The following MYO16 variants were observed in gnomAD, a reference collection of about 807,000 sequenced individuals.
MYO16 encodes unconventional myosin-XVI.
Under a neutral mutation model 205.3 loss-of-function variants are expected in MYO16, and 94 were observed. The observed-to-expected ratio is 0.46, with a 90% CI of 0.39 to 0.54. The LOEUF (loss-of-function observed/expected upper bound fraction) is 0.54. MYO16 is among the 20% of genes least tolerant of loss of function. MYO16 has a pLI of 0.00. For missense variants in MYO16, 2,315 were observed against 2,387.5 expected, an observed-to-expected ratio of 0.97 and a Z score of 0.63; for synonymous variants, 988 against 954.0, an observed-to-expected ratio of 1.04 and a Z score of -0.66.
At chr13:108,645,497 CT>C (rs765930308) in intron 1 of MYO16, among the ~76,000 whole-genome samples, 5 of 152,170 alleles carry the variant, frequency 3.3e-5, no homozygotes, top group Admixed American at 6.5e-5. Context: ...AACTTGCCTA[CT>C]CTGTGCCCCG....
At chr13:108,876,953 A>G (rs908436118) in intron 12 of MYO16, among the ~76,000 whole-genome samples, 14 of 152,160 alleles carry the variant, frequency 9.2e-5, no homozygotes, top group African/African-American at 3.4e-4. Context: ...GGCGTGAGTC[A>G]CCGCGCCCAG....
chr13:108,519,627 ACACACACACACACACACACACC>A, the MYO16 span, among the ~76,000 whole-genome samples: 2 of 35,916 alleles, frequency 5.6e-5, no homozygotes, highest in Non-Finnish European at 1.1e-4. Flanking sequence ...TATGCAAAAT[ACACACACACACACACACACACC>A]CACACACACA....
chr13:108,552,953 C>T, the MYO16 span, among the ~76,000 whole-genome samples: 4 of 150,336 alleles, frequency 2.7e-5, no homozygotes, highest in Non-Finnish European at 5.9e-5. Flanking sequence ...AGGGTGGAGC[C>T]CTCGGTCTAA....
At chr13:108,975,862 G>C (rs1356167327) in intron 20 of MYO16, among the ~76,000 whole-genome samples, 1 of 152,036 alleles carries the variant, frequency 6.6e-6, no homozygotes, top group Non-Finnish European at 1.5e-5. Flanking sequence ...CTGCCCTTTG[G>C]GACTATCCAT....
intron 34 of MYO16, among the ~76,000 whole-genome samples, chr13:109,184,813 G>A (rs1879617282): frequency 6.6e-6 from 1 of 151,882 alleles, no homozygotes; most frequent in African/African-American, 2.4e-5. Flanking sequence ...CTGTTGCCCG[G>A]GCTGGAGTGC....
chr13:108,630,386 T>TAGGGACTCC (rs1179419473), intron 1 of MYO16, among the ~76,000 whole-genome samples: 1 of 152,222 alleles, frequency 6.6e-6, no homozygotes, highest in East Asian at 1.9e-4. Flanking sequence ...TTGCGGTGCT[T>TAGGGACTCC]AGGGACTCCA....
the MYO16 span, among the ~76,000 whole-genome samples, chr13:108,567,064 C>A: frequency 6.6e-6 from 1 of 152,082 alleles, no homozygotes; most frequent in African/African-American, 2.4e-5. Context: ...TATTGAATAT[C>A]TTTGAGCTGA....
chr13:108,766,890 G>T (rs1401792513), intron 4 of MYO16, among the ~76,000 whole-genome samples: 1 of 152,152 alleles, frequency 6.6e-6, no homozygotes, highest in Admixed American at 6.5e-5. Flanking sequence ...TCACAGATTT[G>T]GTTGTAAGCA....
intron 23 of MYO16, among the ~76,000 whole-genome samples, chr13:109,020,171 G>A (rs1001649002): frequency 2.6e-5 from 4 of 151,952 alleles, no homozygotes; most frequent in Non-Finnish European, 5.9e-5. Flanking sequence ...AGGATCCCTG[G>A]GTTTAATACA....
intron 1 of MYO16, among the ~76,000 whole-genome samples, chr13:108,608,057 T>A (rs1317718671): frequency 6.6e-6 from 1 of 152,220 alleles, no homozygotes; most frequent in East Asian, 1.9e-4. Context: ...TTGGGATCTC[T>A]TTCCTACAGC....
the MYO16 span, among the ~76,000 whole-genome samples, chr13:108,570,832 G>A: frequency 1.3e-5 from 2 of 152,184 alleles, no homozygotes; most frequent in Admixed American, 6.5e-5. Flanking sequence ...CCTCTTTGCT[G>A]GCCATGCTAT....
At chr13:108,581,437 T>C in the MYO16 span, among the ~76,000 whole-genome samples, 1 of 152,154 alleles carries the variant, frequency 6.6e-6, no homozygotes. Context: ...TGTTCGCCAA[T>C]AATTGAGGTA....
chr13:108,685,369 G>C (rs2139480238), intron 2 of MYO16, among the ~76,000 whole-genome samples: 1 of 152,244 alleles, frequency 6.6e-6, no homozygotes, highest in East Asian at 1.9e-4. Flanking sequence ...GCTACAACCT[G>C]GGGCTCAGAA....
chr13:108,658,266 G>C (rs532031064), intron 1 of MYO16, among the ~76,000 whole-genome samples: 1 of 152,120 alleles, frequency 6.6e-6, no homozygotes, highest in Admixed American at 6.5e-5. Context: ...TGCATAAATT[G>C]GTTCATTTTC....
At chr13:108,777,473 T>C (rs1005220801) in intron 4 of MYO16, among the ~76,000 whole-genome samples, 3 of 152,184 alleles carry the variant, frequency 2.0e-5, no homozygotes, top group African/African-American at 7.2e-5. Context: ...GATTGAAATG[T>C]AGACCCTTTT....
At chr13:108,686,717 G>C (rs1466320206) in intron 2 of MYO16, among the ~76,000 whole-genome samples, 1 of 152,194 alleles carries the variant, frequency 6.6e-6, no homozygotes, top group Non-Finnish European at 1.5e-5. Flanking sequence ...CTAACTTCCT[G>C]AAATGTTACA....
chr13:109,096,850 A>G (rs1888794347), intron 27 of MYO16, among the ~76,000 whole-genome samples: 1 of 152,208 alleles, frequency 6.6e-6, no homozygotes, highest in African/African-American at 2.4e-5. Flanking sequence ...GGGAGGGTAG[A>G]GCGTTGCTTG....
At chr13:109,007,404 A>G (rs1014904329) in intron 21 of MYO16, among the ~76,000 whole-genome samples, 1 of 152,080 alleles carries the variant, frequency 6.6e-6, no homozygotes, top group Non-Finnish European at 1.5e-5. Flanking sequence ...AAAGAAAAAA[A>G]AAAAAGAAAT....
chr13:108,627,054 G>T (rs894114722), upstream of MYO16, among the ~76,000 whole-genome samples: 3 of 149,278 alleles, frequency 2.0e-5, no homozygotes, highest in South Asian at 6.3e-4. Context: ...CTCAGGGATG[G>T]ATATAGAGGA....
Sources: allele counts gnomAD v4.1 joint callset (sites outside exome capture counted in the v4.1 genomes callset), GRCh38; gene constraint gnomAD v4.1.1; transcripts MANE v1.5; gene names NCBI Gene and HGNC (gene_info 2026-07-23, HGNC 2026-07-21).